The following TSC2 variants were observed in gnomAD, a reference collection of about 807,000 sequenced individuals.
The protein encoded by TSC2 is tuberin.
Under a neutral mutation model 202.2 loss-of-function variants are expected in TSC2, and 29 were observed. The ratio of observed to expected loss-of-function variants is 0.14; its 90% CI spans 0.11 to 0.20. TSC2 has a LOEUF of 0.20. TSC2 is among the 10% of genes least tolerant of loss of function. The probability of loss-of-function intolerance (pLI) is 1.00; values close to 1 mark genes in which losing one functional copy is unlikely to be tolerated. For synonymous variants in TSC2, 1,349 were observed against 1,044.0 expected (o/e 1.29, Z -5.63); for missense variants, 2,429 against 2,420.0 (o/e 1.00, Z -0.08).
At chr16:2,050,598 CTTTT>C (rs554452830) in intron 3 of TSC2, 112 bp downstream of exon 3, 967 of 473,640 alleles carry the variant, frequency 2.0e-3, no homozygotes, top group East Asian at 3.2e-3. Context: ...CTGGTTTGCA[CTTTT>C]TTTTTTTTTT....
At chr16:2,072,097 T>C in intron 19 of TSC2, 144 bp from the exon 20 acceptor site, 1 of 1,524,316 alleles carries the variant, frequency 6.6e-7, no homozygotes. Flanking sequence ...GACAGAGGCC[T>C]GCGCTGGGCA....
At chr16:2,086,096 TG>T in intron 36 of TSC2, 96 bp from the exon 37 acceptor site, 2 of 1,438,274 alleles carry the variant, frequency 1.4e-6, no homozygotes, top group Non-Finnish European at 1.9e-6. Context: ...GGGATCAGAG[TG>T]GGGCTCCCGG....
intron 10 of TSC2, 139 bp downstream of exon 10, chr16:2,059,012 G>GCCT: frequency 7.1e-7 from 1 of 1,400,032 alleles, no homozygotes; most frequent in Non-Finnish European, 9.8e-7. Flanking sequence ...CTTTGCAGCT[G>GCCT]GGGGTGAGGT....
intron 7 of TSC2, 75 bp from the exon 8 acceptor site, chr16:2,056,569 A>T (rs2151075501): frequency 1.3e-6 from 2 of 1,582,458 alleles, no homozygotes; most frequent in Non-Finnish European, 1.7e-6. Context: ...AGGAGGTGGG[A>T]AGGAAGCCTG....
chr16:2,086,608 C>T (rs2090827105), intron 37 of TSC2, 124 bp from the exon 38 acceptor site: 1 of 1,484,986 alleles, frequency 6.7e-7, no homozygotes, highest in African/African-American at 1.4e-5. Flanking sequence ...ACTGGCCAGG[C>T]ACCAGAGGAC....
At chr16:2,071,654 G>T in intron 18 of TSC2, 38 bp downstream of exon 18, 1 of 1,611,554 alleles carries the variant, frequency 6.2e-7, no homozygotes, top group Admixed American at 1.7e-5. Context: ...GAGGCTCAGG[G>T]CGTCAGAGGC....
At chr16:2,083,110 C>T (rs968928883) in intron 32 of TSC2, 6 of 455,092 alleles carry the variant, frequency 1.3e-5, no homozygotes, top group African/African-American at 4.0e-5. Flanking sequence ...GGCTGTGGGG[C>T]GCCCGGGGGC....
At chr16:2,070,421 C>G in intron 16 of TSC2, 35 bp from the exon 17 acceptor site, 2 of 1,613,234 alleles carry the variant, frequency 1.2e-6, no homozygotes, top group African/African-American at 1.3e-5. Flanking sequence ...GTTTTCACCT[C>G]CTGCGCCGTG....
chr16:2,048,342 G>A, intron 1 of TSC2: 1 of 905,134 alleles, frequency 1.1e-6, no homozygotes. Context: ...CGTGCACTGA[G>A]TCGGGCGGGG....
At chr16:2,087,082 G>A (rs2090907715) in intron 38 of TSC2, 1 of 712,414 alleles carries the variant, frequency 1.4e-6, no homozygotes, top group South Asian at 1.8e-5. Context: ...CTGAGTGTCT[G>A]TCAGGAGTAA....
rs1244106054 is a variant in TSC2, at chr16:2,086,476, AC to A, written c.4849+102del. 4.0e-6 allele frequency: 6 copies of A among 1,483,920 alleles called. No homozygotes were observed. In the Admixed American group the frequency reaches 6.0e-5, roughly 15 times the overall value. The allele number at this position is 1,483,920 out of a possible 1,614,324, so 91.9% of individuals were successfully genotyped here. ...CCACGCCCTGGGGCATGGCCCTGGCACCCCCACCTGCTCCAGCTCCCCACGC... is the reference window on the plus strand; with the variant it reads ...CCACGCCCTGGGGCATGGCCCTGGCACCCCACCTGCTCCAGCTCCCCACGC... On this transcript the variant is annotated intron_variant, in intron 37 of 41. Coordinates refer to ENST00000219476, the MANE Select transcript of TSC2 (RefSeq NM_000548.5).
Position 2,074,408 on chromosome 16 carries a change from T to G in TSC2, c.2545+19T>G, listed in dbSNP as rs773100764. 4 of 1,607,334 alleles carry G rather than the reference T, an allele frequency of 2.5e-6. No individual in the cohort carries two copies. The South Asian group carries it at 4.4e-5, about 18-fold the overall frequency. On this transcript the variant is annotated intron_variant, in intron 22 of 41. Coordinates refer to ENST00000219476, the MANE Select transcript of TSC2 (RefSeq NM_000548.5). ...CTGTCCAGTGAGTCCCCGCCCTGCCTGCGCATGCACCCGAGAGGTTCGGGC... is the reference window on the plus strand; with the variant it reads ...CTGTCCAGTGAGTCCCCGCCCTGCCGGCGCATGCACCCGAGAGGTTCGGGC...
chr16:2,077,262 T>C (rs2089523483), intron 25 of TSC2: 2 of 372,860 alleles, frequency 5.4e-6, no homozygotes, highest in East Asian at 6.4e-5. Flanking sequence ...CTTCCGCGGG[T>C]GGGTGGGATT....
chr16:2,083,675 C>T lies in TSC2; in HGVS notation c.3884-20C>T. 4 of 1,567,854 alleles carry T rather than the reference C, an allele frequency of 2.6e-6. No individual in the cohort carries two copies. The highest frequency in any genetic ancestry group is 3.5e-6 in the Non-Finnish European group (4 of 1,156,876). On this transcript the variant is annotated intron_variant, in intron 32 of 41. Transcript: ENST00000219476. ...CCTGGCCCAGCCCCACATCCAGCAG[C>T]CCCGTCTGTGTCCTCCCAGACTCCG... is the stretch of plus-strand genomic sequence containing the variant.
Position 2,072,812 on chromosome 16 carries a change from G to T in TSC2, c.2221-37G>T, listed in dbSNP as rs1352093437. 5 of 1,612,756 alleles carry T rather than the reference G, an allele frequency of 3.1e-6. No individual in the cohort carries two copies. In the African/African-American group the frequency reaches 6.7e-5, roughly 22 times the overall value. On this transcript the variant is annotated intron_variant, in intron 20 of 41. Transcript: ENST00000219476. ...CCTCTGGCTACCCCGTGACCTGGCC[G>T]CTGGGGAGAGGTTTCATGCCTGGAT...
intron 4 of TSC2, 46 bp from the exon 5 acceptor site, chr16:2,054,250 G>A (rs781412014): frequency 6.2e-7 from 1 of 1,613,732 alleles, no homozygotes; most frequent in Non-Finnish European, 8.5e-7. Context: ...GCAGCCGTGT[G>A]GGCGACGCTG....
chr16:2,084,326 C>G lies in TSC2; in HGVS notation c.4104C>G (p.Gly1368=). The G allele has an allele frequency of 6.2e-7, 1 of 1,612,724 alleles. No homozygotes were observed. Among genetic ancestry groups the G allele is most frequent in the Non-Finnish European group, 8.5e-7 (1 of 1,179,970 alleles). ...PIERVVSSEG[G]RPSVDLSFQP... The stretch of plus-strand genomic sequence containing the variant: ...AGCGAGTCGTCTCCTCGGAGGGTGG[C>G]CGGCCCTCTGTGGACCTCTCCTTCC... The change falls in exon 34 of 42, where the codon GGC becomes GGG. Residue 1368 remains glycine, a synonymous_variant. Transcript: ENST00000219476.
rs572944820 is a variant in TSC2, at chr16:2,058,691, G to A, written c.849-56G>A. 81 of 1,549,986 alleles carry A rather than the reference G, an allele frequency of 5.2e-5. 1 individual carries two copies. The South Asian group carries it at 8.4e-4, about 16-fold the overall frequency. On this transcript the variant is annotated intron_variant, in intron 9 of 41. Coordinates refer to ENST00000219476, the MANE Select transcript of TSC2 (RefSeq NM_000548.5). ...GCCTCGGCAACCTCACACATCCATG[G>A]CGGACCCTGGGACAGGGCCCTGCTC... is the stretch of plus-strand genomic sequence containing the variant.
At position 2,087,950 on chromosome 16, in the gene TSC2, G is replaced by A. The variant is rs45445593; in HGVS notation, c.5068+9G>A. On this transcript the variant is annotated intron_variant, in intron 39 of 41. Coordinates refer to ENST00000219476, the MANE Select transcript of TSC2 (RefSeq NM_000548.5). ...CCTGCAGTGCAGGAAAGGTAGGGCC[G>A]GGTGGGGCCCTGCAGTGCAGGAAAG... 424 of 1,605,062 alleles carry A rather than the reference G, an allele frequency of 2.6e-4. 1 individual carries two copies. Among genetic ancestry groups the A allele is most frequent in the African/African-American group, 4.3e-4 (32 of 74,686 alleles).
Sources: allele counts gnomAD v4.1 joint callset, GRCh38; gene constraint gnomAD v4.1.1; transcripts MANE v1.5; gene names NCBI Gene and HGNC (gene_info 2026-07-23, HGNC 2026-07-21).